ZNRF3: variants seen among roughly 807,000 people sequenced by gnomAD.
The protein encoded by ZNRF3 is zinc and ring finger 3, also known as E3 ubiquitin-protein ligase ZNRF3.
ZNRF3 carries 23 observed loss-of-function variants against 72.5 expected under a neutral mutation model. The observed-to-expected ratio is 0.32, with a 90% CI of 0.23 to 0.45. The LOEUF (loss-of-function observed/expected upper bound fraction) is 0.45, where lower values mean the gene tolerates loss of function less well. Among genes scored for constraint, ZNRF3 ranks in the 20% least tolerant of loss-of-function variants. ZNRF3 has a pLI of 1.00. For missense variants in ZNRF3, 1,169 were observed against 1,272.1 expected (o/e 0.92, Z 1.23); for synonymous variants, 610 against 545.3 (o/e 1.12, Z -1.65).
intron 1 of ZNRF3, among the ~76,000 whole-genome samples, chr22:28,955,843 C>T (rs571655766): frequency 1.3e-5 from 2 of 152,056 alleles, no homozygotes; most frequent in East Asian, 3.9e-4. Context: ...CACTTGAACC[C>T]AGGAGGTCCG....
At chr22:28,903,187 C>T (rs1401618041) in intron 1 of ZNRF3, among the ~76,000 whole-genome samples, 1 of 152,178 alleles carries the variant, frequency 6.6e-6, no homozygotes, top group Non-Finnish European at 1.5e-5. Flanking sequence ...CTCTCTACAG[C>T]TAGATCATTG....
chr22:28,893,815 T>C (rs2033939897), intron 1 of ZNRF3, among the ~76,000 whole-genome samples: 1 of 151,760 alleles, frequency 6.6e-6, no homozygotes, highest in African/African-American at 2.4e-5. Context: ...GTTATTTTCA[T>C]AAGATTTCTA....
chr22:28,896,174 G>T (rs1363187668), intron 1 of ZNRF3, among the ~76,000 whole-genome samples: 1 of 150,224 alleles, frequency 6.7e-6, no homozygotes, highest in African/African-American at 2.5e-5. Flanking sequence ...TCGCTCTGTC[G>T]GCCAGGCTGG....
intron 1 of ZNRF3, among the ~76,000 whole-genome samples, chr22:28,917,960 C>G (rs1481826443): frequency 6.6e-6 from 1 of 152,220 alleles, no homozygotes; most frequent in African/African-American, 2.4e-5. Context: ...CTCAAGAGGC[C>G]TGTTCTGTTA....
intron 1 of ZNRF3, among the ~76,000 whole-genome samples, chr22:28,908,308 C>G (rs746341017): frequency 1.3e-5 from 2 of 152,176 alleles, no homozygotes; most frequent in Non-Finnish European, 2.9e-5. Context: ...TCTATGTTAA[C>G]TTACCTTCTC....
At chr22:29,037,361 C>T (rs560624839) in intron 2 of ZNRF3, among the ~76,000 whole-genome samples, 2 of 152,270 alleles carry the variant, frequency 1.3e-5, no homozygotes, top group African/African-American at 4.8e-5. Flanking sequence ...TGGGACAATT[C>T]TCATCATAAT....
At position 29,049,251 on chromosome 22, in the gene ZNRF3, G is replaced by A. The variant is rs1008022886; in HGVS notation, c.1070G>A (p.Gly357Asp). The change falls in exon 8 of 9, where the codon GGT becomes GAT. Residue 357 changes from glycine to aspartate, a missense_variant. By Grantham distance (94) the Gly-to-Asp change is moderately conservative. Around this residue, in one of 2 missense-constraint regions of ZNRF3, gnomAD observed 386 missense variants for 540.7 expected, o/e 0.71. Transcript: ENST00000544604. This position sits in a 1 kb window ranked among gnomAD's most constrained non-coding sequence, Gnocchi z 5.2. ...VCVETSNLSR[G>D]RQQRVTLPVH... ...GTGGAGACCAGCAACCTCTCACGTG[G>A]TCGGCAGCAGAGGGTGACCCTGCCG... is the stretch of plus-strand genomic sequence containing the variant. 5.6e-6 allele frequency: 9 copies of A among 1,613,314 alleles called. No homozygotes were observed. In the African/African-American group the frequency reaches 1.2e-4, roughly 22 times the overall value.
At position 29,046,748 on chromosome 22, in the gene ZNRF3, A is replaced by G. The variant is rs199517259; in HGVS notation, c.777A>G (p.Leu259=). Residue 259 remains leucine, a synonymous_variant, in exon 6 of 9, where the codon CTA becomes CTG. Coordinates refer to ENST00000544604, the MANE Select transcript of ZNRF3 (RefSeq NM_001206998.2). ...NSMNRLAVQA[L]EKMETRKFNS... ...TGAACAGGCTGGCTGTGCAGGCTCT[A>G]GAGAAGATGGAAACCAGAAAGTTCA... is the stretch of plus-strand genomic sequence containing the variant. The G allele has an allele frequency of 4.7e-5, 75 of 1,611,218 alleles. No individual in the cohort carries two copies. The highest frequency in any genetic ancestry group is 7.6e-6 in the Non-Finnish European group (9 of 1,178,664).
chr22:28,970,488 G>T lies in ZNRF3; in HGVS notation c.301-16588G>T, dbSNP rs554224808. Reference sequence around the variant, plus strand: ...AAAGCTCAACATACACCTACCATGTGACCCAGGTATTCCACCCGTAGGTAT... The same window carrying T: ...AAAGCTCAACATACACCTACCATGTTACCCAGGTATTCCACCCGTAGGTAT... On this transcript the variant is annotated intron_variant, in intron 1 of 8. Transcript: ENST00000544604. Among the ~76,000 whole-genome samples, 27 of 152,314 alleles carry T rather than the reference G, an allele frequency of 1.8e-4. No individual in the cohort carries two copies. The East Asian group carries it at 4.4e-3, about 25-fold the overall frequency.
chr22:28,951,770 C>T (rs2035164627), intron 1 of ZNRF3, among the ~76,000 whole-genome samples: 1 of 152,190 alleles, frequency 6.6e-6, no homozygotes, highest in Non-Finnish European at 1.5e-5. Context: ...GTGCGCCTGC[C>T]ATGTAAGGTT....
chr22:28,884,194 G>A (rs1264470576), intron 1 of ZNRF3, 128 bp downstream of exon 1: 6 of 727,562 alleles, frequency 8.2e-6, no homozygotes, highest in South Asian at 6.3e-5. Flanking sequence ...GAGGCCGGCG[G>A]CATCCCTCCC....
intron 1 of ZNRF3, among the ~76,000 whole-genome samples, chr22:28,953,961 CT>C (rs2035210979): frequency 6.6e-6 from 1 of 152,256 alleles, no homozygotes; most frequent in Admixed American, 6.5e-5. Flanking sequence ...CCATTGATTG[CT>C]CTGAAAATGG....
chr22:28,922,503 A>G lies in ZNRF3; in HGVS notation c.300+38437A>G, dbSNP rs566621354. ...TCGCACTGTTACAATTGTGTTCTTGAACATACTTCTAATCTTTTTTAGCCA... is the reference window on the plus strand; with the variant it reads ...TCGCACTGTTACAATTGTGTTCTTGGACATACTTCTAATCTTTTTTAGCCA... On this transcript the variant is annotated intron_variant, in intron 1 of 8. Coordinates refer to ENST00000544604, the MANE Select transcript of ZNRF3 (RefSeq NM_001206998.2). 5.3e-5 allele frequency among the ~76,000 whole-genome samples: 8 copies of G among 152,284 alleles called. No homozygotes were observed. The South Asian group carries it at 1.5e-3, about 28-fold the overall frequency.
At chr22:28,979,303 T>C (rs1319126084) in intron 1 of ZNRF3, among the ~76,000 whole-genome samples, 1 of 152,244 alleles carries the variant, frequency 6.6e-6, no homozygotes, top group African/African-American at 2.4e-5. Flanking sequence ...CAGCAACTCC[T>C]GAGGTTGGAC....
At chr22:28,901,952 T>TC (rs1381106603) in intron 1 of ZNRF3, among the ~76,000 whole-genome samples, 1 of 148,124 alleles carries the variant, frequency 6.8e-6, no homozygotes, top group African/African-American at 2.5e-5. Flanking sequence ...TTTTTTTTTT[T>TC]TGGAGATGGA....
chr22:28,943,323 A>C (rs570101818), intron 1 of ZNRF3, among the ~76,000 whole-genome samples: 2 of 151,872 alleles, frequency 1.3e-5, no homozygotes, highest in African/African-American at 4.8e-5. Context: ...CTGCCTCTAC[A>C]CTTGCTTCCC....
intron 1 of ZNRF3, among the ~76,000 whole-genome samples, chr22:28,981,389 C>G (rs1402302794): frequency 6.6e-6 from 1 of 152,080 alleles, no homozygotes; most frequent in African/African-American, 2.4e-5. Context: ...TGCAGTCTTG[C>G]TATGTTGGCC....
intron 1 of ZNRF3, among the ~76,000 whole-genome samples, chr22:28,885,620 T>C (rs1351552046): frequency 6.8e-6 from 1 of 146,814 alleles, no homozygotes; most frequent in African/African-American, 2.5e-5. Context: ...AAAAAGACGC[T>C]CTAGCGTGGC....
At chr22:28,919,841 C>T (rs926029787) in intron 1 of ZNRF3, among the ~76,000 whole-genome samples, 4 of 151,912 alleles carry the variant, frequency 2.6e-5, no homozygotes, top group Non-Finnish European at 4.4e-5. Flanking sequence ...TTACAATAAG[C>T]GATGAGGGGG....
Sources: gnomAD v4.1 joint callset for allele counts (sites outside exome capture counted in the v4.1 genomes callset) on GRCh38, gnomAD v4.1.1 for gene constraint, gnomAD v4.1.1 regional missense constraint, Gnocchi (gnomAD v3.1) non-coding constraint, MANE v1.5 for transcripts, NCBI Gene and HGNC (gene_info 2026-07-23, HGNC 2026-07-21) for gene names.